LRRTM4: variants seen among roughly 807,000 people sequenced by gnomAD.
LRRTM4 encodes leucine-rich repeat transmembrane neuronal protein 4.
In LRRTM4, 25 loss-of-function variants were observed where a neutral mutation model predicts 47.6. The observed-to-expected ratio is 0.53, with a 90% CI of 0.38 to 0.73. LRRTM4 has a LOEUF of 0.73. LRRTM4 is among the 30% of genes least tolerant of loss of function. LRRTM4 has a pLI of 0.00. For missense variants in LRRTM4, 638 were observed against 713.4 expected, an observed-to-expected ratio of 0.89 and a Z score of 1.20; for synonymous variants, 311 against 269.5, an observed-to-expected ratio of 1.15 and a Z score of -1.51.
Position 77,136,786 on chromosome 2 carries a change from C to G in LRRTM4, c.1551+381532G>C, listed in dbSNP as rs1381176922. 1.3e-5 allele frequency among the ~76,000 whole-genome samples: 2 copies of G among 151,200 alleles called. 1 individual carries two copies. The highest frequency in any genetic ancestry group is 4.9e-5 in the African/African-American group (2 of 40,622). On this transcript the variant is annotated intron_variant, in intron 3 of 3. Transcript: ENST00000409884. Reference sequence around the variant, plus strand: ...CAGTGTAGAGAAGTCCTTAAATGACCTGAGGGAGCTGAAAACAATGGCACA... The same window carrying G: ...CAGTGTAGAGAAGTCCTTAAATGACGTGAGGGAGCTGAAAACAATGGCACA...
chr2:77,292,574 A>G (rs1474936461), intron 3 of LRRTM4, among the ~76,000 whole-genome samples: 1 of 151,842 alleles, frequency 6.6e-6, no homozygotes, highest in Non-Finnish European at 1.5e-5. Flanking sequence ...GGAAATCATC[A>G]TTCTCAGTAA....
chr2:77,012,505 C>A (rs1677911669), intron 3 of LRRTM4, among the ~76,000 whole-genome samples: 1 of 152,164 alleles, frequency 6.6e-6, no homozygotes, highest in South Asian at 2.1e-4. Flanking sequence ...TGCAGAGATA[C>A]TGAAGATTAC....
chr2:76,836,106 T>C (rs1360025295), intron 3 of LRRTM4, among the ~76,000 whole-genome samples: 1 of 151,836 alleles, frequency 6.6e-6, no homozygotes, highest in African/African-American at 2.4e-5. Flanking sequence ...GCCCAGGTTT[T>C]CTAAGGTGTA....
chr2:77,322,568 A>T (rs1677826982), intron 3 of LRRTM4, among the ~76,000 whole-genome samples: 1 of 151,978 alleles, frequency 6.6e-6, no homozygotes, highest in Admixed American at 6.6e-5. Context: ...CAAATTTTGT[A>T]GTCAATGATA....
At chr2:76,957,568 G>T (rs1030524464) in intron 3 of LRRTM4, among the ~76,000 whole-genome samples, 1 of 151,698 alleles carries the variant, frequency 6.6e-6, no homozygotes, top group Non-Finnish European at 1.5e-5. Flanking sequence ...ACAATTTCAA[G>T]AAGAATCCCT....
intron 3 of LRRTM4, among the ~76,000 whole-genome samples, chr2:76,954,709 T>TTCA (rs1247045274): frequency 1.3e-5 from 2 of 151,528 alleles, no homozygotes; most frequent in Non-Finnish European, 3.0e-5. Flanking sequence ...AGAACTGAAA[T>TTCA]GAACATAAAG....
At chr2:77,012,224 T>C (rs1327374812) in intron 3 of LRRTM4, among the ~76,000 whole-genome samples, 1 of 152,150 alleles carries the variant, frequency 6.6e-6, no homozygotes, top group Non-Finnish European at 1.5e-5. Flanking sequence ...TTCTAGGTCC[T>C]GTCAAAACTG....
chr2:76,773,418 A>G (rs1673800305), intron 3 of LRRTM4, among the ~76,000 whole-genome samples: 1 of 152,230 alleles, frequency 6.6e-6, no homozygotes, highest in Non-Finnish European at 1.5e-5. Context: ...TTTATTCAGT[A>G]CAATTCTTCT....
At chr2:76,781,212 C>T (rs1417588062) in intron 3 of LRRTM4, among the ~76,000 whole-genome samples, 1 of 152,254 alleles carries the variant, frequency 6.6e-6, no homozygotes, top group Non-Finnish European at 1.5e-5. Context: ...TTTTGTTTGT[C>T]TGTGCCCTGC....
intron 3 of LRRTM4, among the ~76,000 whole-genome samples, chr2:77,446,880 G>T (rs1676074041): frequency 6.6e-6 from 1 of 151,976 alleles, no homozygotes; most frequent in African/African-American, 2.4e-5. Context: ...ACTCACAAAG[G>T]TATCCAAAAT....
At chr2:77,407,345 T>C (rs943611552) in intron 3 of LRRTM4, among the ~76,000 whole-genome samples, 5 of 151,898 alleles carry the variant, frequency 3.3e-5, no homozygotes, top group Non-Finnish European at 7.4e-5. Flanking sequence ...ATGTATGAGA[T>C]GTAATATTAC....
intron 3 of LRRTM4, among the ~76,000 whole-genome samples, chr2:77,207,003 A>C (rs941309703): frequency 1.3e-5 from 2 of 151,722 alleles, no homozygotes; most frequent in Admixed American, 6.6e-5. Context: ...TCATCTCACA[A>C]AGGTGGCAAA....
At chr2:77,318,828 C>G (rs1034879991) in intron 3 of LRRTM4, among the ~76,000 whole-genome samples, 1 of 152,130 alleles carries the variant, frequency 6.6e-6, no homozygotes, top group South Asian at 2.1e-4. Flanking sequence ...TAAGGTAAAT[C>G]TGATTGACTT....
At chr2:77,326,682 G>A (rs1433674558) in intron 3 of LRRTM4, among the ~76,000 whole-genome samples, 2 of 152,150 alleles carry the variant, frequency 1.3e-5, no homozygotes, top group Non-Finnish European at 2.9e-5. Context: ...AGCTATGAAG[G>A]ACTGTACTCT....
At chr2:77,441,603 G>A (rs1386357342) in intron 3 of LRRTM4, among the ~76,000 whole-genome samples, 1 of 152,136 alleles carries the variant, frequency 6.6e-6, no homozygotes, top group African/African-American at 2.4e-5. Context: ...TCTGGCCTGA[G>A]TTGTGAGAAA....
intron 3 of LRRTM4, among the ~76,000 whole-genome samples, chr2:77,376,411 AT>A (rs796997447): frequency 0.011 from 1,647 of 143,342 alleles, 21 homozygotes; most frequent in African/African-American, 0.034. Flanking sequence ...ATTTCACAAG[AT>A]TTTTTTTTTT....
At chr2:77,026,332 G>A (rs1678452539) in intron 3 of LRRTM4, among the ~76,000 whole-genome samples, 1 of 152,050 alleles carries the variant, frequency 6.6e-6, no homozygotes. Context: ...AAAGAAATGA[G>A]GCTCAGAAAA....
At chr2:76,769,507 A>G (rs1673593944) in intron 3 of LRRTM4, among the ~76,000 whole-genome samples, 1 of 151,616 alleles carries the variant, frequency 6.6e-6, no homozygotes, top group African/African-American at 2.4e-5. Context: ...GTCTCTAAAT[A>G]AAAGCTCACT....
chr2:76,886,914 C>T (rs1160651754), intron 3 of LRRTM4, among the ~76,000 whole-genome samples: 1 of 151,850 alleles, frequency 6.6e-6, no homozygotes, highest in Non-Finnish European at 1.5e-5. Context: ...ATTGATTCAA[C>T]CAAAACTAAT....
Sources: gnomAD v4.1 joint callset for allele counts (sites outside exome capture counted in the v4.1 genomes callset) on GRCh38, gnomAD v4.1.1 for gene constraint, MANE v1.5 for transcripts, NCBI Gene and HGNC (gene_info 2026-07-23, HGNC 2026-07-21) for gene names.